Variants in KRT72 observed in about 807,000 individuals in gnomAD.
KRT72 encodes keratin, type II cytoskeletal 72.
Under a neutral mutation model 44.7 loss-of-function variants are expected in KRT72, and 44 were observed. That is an observed-to-expected ratio of 0.98 (90% CI 0.77 to 1.27). The LOEUF is 1.27. Ranked by LOEUF, KRT72 falls within the 50% of genes most tolerant of loss-of-function variation. The pLI is 0.00. For missense variants in KRT72, 736 were observed against 667.1 expected, an observed-to-expected ratio of 1.10 and a Z score of -1.14; for synonymous variants, 302 against 280.4, an observed-to-expected ratio of 1.08 and a Z score of -0.77.
At chr12:52,592,610 C>T (rs1429637498) in intron 3 of KRT72, 119 bp from the exon 4 acceptor site, 3 of 733,382 alleles carry the variant, frequency 4.1e-6, no homozygotes, top group Non-Finnish European at 6.9e-6. Flanking sequence ...TGGGGGGCTC[C>T]CTGAGAGTCC....
In KRT72 at chr12:52,592,491, C is replaced by T. The variant is rs147981249; in HGVS notation, c.703G>A (p.Asp235Asn). ...AENEFVVLKK[D>N]VDAAYMNKVE... Reference sequence around the variant, plus strand: ...TTATTCATGTAAGCAGCATCCACGTCCTGGGAGCACATGATAGTCAAGCCG... The same window carrying T: ...TTATTCATGTAAGCAGCATCCACGTTCTGGGAGCACATGATAGTCAAGCCG... The change falls in exon 4 of 9, where the codon GAC (aspartate) becomes AAC (asparagine). Residue 235 changes from aspartate to asparagine, a missense_variant and splice_region_variant. Asp to Asn is a conservative substitution (Grantham distance 23). Transcript: ENST00000293745. 23 of 1,613,402 alleles carry T rather than the reference C, an allele frequency of 1.4e-5. No individual in the cohort carries two copies. Among genetic ancestry groups the T allele is most frequent in the African/African-American group, 6.7e-5 (5 of 74,906 alleles).
chr12:52,598,772 T>TCAGA (rs1382110650), intron 2 of KRT72, 126 bp downstream of exon 2: 1 of 769,308 alleles, frequency 1.3e-6, no homozygotes, highest in African/African-American at 1.7e-5. Context: ...CCTAGTTCCA[T>TCAGA]TCTGTCTGGA....
In KRT72 at chr12:52,599,086, C is replaced by G. The variant is rs1940321982; in HGVS notation, c.453G>C (p.Gln151His). The G allele has an allele frequency of 6.2e-7, 1 of 1,614,064 alleles. No individual in the cohort carries two copies. The highest frequency in any genetic ancestry group is 8.5e-7 in the Non-Finnish European group (1 of 1,180,022). The change falls in exon 2 of 9, where the codon CAG becomes CAC. Residue 151 changes from glutamine to histidine, a missense_variant. Physicochemically the swap from Gln to His is conservative, Grantham distance 24. Coordinates refer to ENST00000293745, the MANE Select transcript of KRT72 (RefSeq NM_080747.3). ...DKVRFLEQQN[Q>H]VLETKWNLLQ... ...GGAGGTTCCACTTGGTCTCTAGCACCTGATTCTGCTGCTCCAGGAACCGCA... is the reference window on the plus strand; with the variant it reads ...GGAGGTTCCACTTGGTCTCTAGCACGTGATTCTGCTGCTCCAGGAACCGCA...
At chr12:52,589,437 C>T (rs1939910415) in intron 6 of KRT72, among the ~76,000 whole-genome samples, 1 of 152,214 alleles carries the variant, frequency 6.6e-6, no homozygotes, top group Admixed American at 6.5e-5. Flanking sequence ...TGGCCACACA[C>T]ACTGTCACCT....
chr12:52,595,471 T>TA (rs1264367284), intron 2 of KRT72, among the ~76,000 whole-genome samples: 2 of 152,226 alleles, frequency 1.3e-5, no homozygotes, highest in Non-Finnish European at 2.9e-5. Context: ...TACAAATTCT[T>TA]ACTTTTACTT....
chr12:52,601,433 T>G lies in KRT72; in HGVS notation c.20A>C (p.His7Pro). Residue 7 changes from histidine (H) to proline (P), a missense_variant, in exon 1 of 9, where the codon CAT becomes CCT. Transcript: ENST00000293745. MSRQLTHFPRGERLGFS... is the reference protein window; with the variant it reads MSRQLTPFPRGERLGFS... The stretch of plus-strand genomic sequence containing the variant: ...GCCCAGGCGCTCCCCGCGGGGGAAA[T>G]GGGTCAGTTGGCGGCTCATGGCTCG... 1 of 1,537,814 alleles carries G rather than the reference T, an allele frequency of 6.5e-7. No individual in the cohort carries two copies. Among genetic ancestry groups the G allele is most frequent in the Non-Finnish European group, 8.7e-7 (1 of 1,147,016 alleles).
At chr12:52,591,900 A>C (rs563008189) in intron 4 of KRT72, among the ~76,000 whole-genome samples, 2 of 152,124 alleles carry the variant, frequency 1.3e-5, no homozygotes, top group Admixed American at 6.5e-5. Context: ...CCCTCCACCC[A>C]TAGGACCAAG....
chr12:52,590,957 T>C lies in KRT72; in HGVS notation c.968A>G (p.Gln323Arg), dbSNP rs1401800704. The C allele has an allele frequency of 1.7e-5, 27 of 1,591,552 alleles. No individual in the cohort carries two copies. The highest frequency in any genetic ancestry group is 2.3e-5 in the Non-Finnish European group (27 of 1,164,610). ...EAETLYQTKIQELQVTAGQHG... is the reference protein window; with the variant it reads ...EAETLYQTKIRELQVTAGQHG... The stretch of plus-strand genomic sequence containing the variant: ...CTGGCCTGCTGTGACCTGCAGCTCC[T>C]GGATCTGAGGTTGGGTGACAAGAGA... Residue 323 changes from glutamine to arginine, a missense_variant, in exon 6 of 9, where the codon CAG (glutamine) becomes CGG (arginine). Transcript: ENST00000293745.
Position 52,585,648 on chromosome 12 carries a change from T to C in KRT72, c.*334A>G, listed in dbSNP as rs1026603619. The C allele has an allele frequency of 4.2e-6, 1 of 237,580 alleles. No individual in the cohort carries two copies. Among genetic ancestry groups the C allele is most frequent in the East Asian group, 9.4e-5 (1 of 10,644 alleles). The allele number at this position is 237,580 out of a possible 1,614,324, so 14.7% of individuals were successfully genotyped here. On this transcript the variant is annotated 3_prime_UTR_variant, in exon 9 of 9. Transcript: ENST00000293745. ...ACTGGACACAATCCCAATCAGAAGA[T>C]GAAGAGAGTCCCTTGGTAGTGAAGG...
rs748378479 is a variant in KRT72 at position 52,601,051 on chromosome 12, G to C, written c.402C>G (p.Asn134Lys). ...QEREQIKALN[N>K]KFASFIDKVR... The stretch of plus-strand genomic sequence containing the variant: ...CCTTGTCGATGAAGGAGGCGAACTT[G>C]TTGTTTAGCGCCTTGATCTGCTCCC... The change falls in exon 1 of 9, where the codon AAC becomes AAG. Residue 134 changes from asparagine to lysine, a missense_variant. Transcript: ENST00000293745. The C allele has an allele frequency of 4.3e-6, 7 of 1,611,702 alleles. No individual in the cohort carries two copies. The South Asian group carries it at 7.7e-5, about 18-fold the overall frequency.
chr12:52,588,390 T>C (rs144859142), intron 6 of KRT72, among the ~76,000 whole-genome samples: 1 of 152,178 alleles, frequency 6.6e-6, no homozygotes, highest in Non-Finnish European at 1.5e-5. Flanking sequence ...ATACCTTTAC[T>C]TAACTGGGAA....
At chr12:52,595,921 T>A (rs1940213448) in intron 2 of KRT72, among the ~76,000 whole-genome samples, 1 of 142,282 alleles carries the variant, frequency 7.0e-6, no homozygotes. Flanking sequence ...TGGTTTTTAA[T>A]TTTTGCTTTC....
intron 2 of KRT72, among the ~76,000 whole-genome samples, chr12:52,595,870 G>A (rs943692289): frequency 1.3e-5 from 2 of 152,156 alleles, no homozygotes; most frequent in Non-Finnish European, 2.9e-5. Flanking sequence ...GGAAGATAAT[G>A]ACTTTACTGA....
At chr12:52,598,354 T>G (rs149202136) in intron 2 of KRT72, among the ~76,000 whole-genome samples, 216 of 152,328 alleles carry the variant, frequency 1.4e-3, no homozygotes, top group African/African-American at 4.9e-3. Context: ...GGAAGCAAAC[T>G]TCCAAAATAT....
chr12:52,592,953 C>T lies in KRT72; in HGVS notation c.642-1G>A. On this transcript the variant is annotated splice_acceptor_variant, in intron 2 of 8. Coordinates refer to ENST00000293745, the MANE Select transcript of KRT72 (RefSeq NM_080747.3). LOFTEE classifies it high-confidence loss of function. ...GCGTCTGTTAATCTCCACCTCATAC[C>T]TGCATGGGGCAAGACAATGAGGTAA... The T allele has an allele frequency of 1.9e-6, 3 of 1,613,272 alleles. No homozygotes were observed. Among genetic ancestry groups the T allele is most frequent in the Non-Finnish European group, 2.5e-6 (3 of 1,179,562 alleles).
rs1472460633 is a variant in KRT72, at chr12:52,592,880, C to A, written c.702+12G>T. The A allele has an allele frequency of 1.2e-6, 2 of 1,613,156 alleles. No individual in the cohort carries two copies. Among genetic ancestry groups the A allele is most frequent in the African/African-American group, 2.7e-5 (2 of 74,894 alleles). On this transcript the variant is annotated intron_variant, in intron 3 of 8. Coordinates refer to ENST00000293745, the MANE Select transcript of KRT72 (RefSeq NM_080747.3). ...TCTAGGCTTCTTCCAGCCCACCTGG[C>A]ACCCCTCTTACCTTCTTGAGCACCA...
At chr12:52,593,380 T>C (rs1253954580) in intron 2 of KRT72, among the ~76,000 whole-genome samples, 1 of 152,256 alleles carries the variant, frequency 6.6e-6, no homozygotes, top group Non-Finnish European at 1.5e-5. Context: ...CTGTATGTTA[T>C]ACCTATTTCT....
chr12:52,598,874 C>T, intron 2 of KRT72, 24 bp downstream of exon 2: 1 of 1,604,412 alleles, frequency 6.2e-7, no homozygotes, highest in Non-Finnish European at 8.5e-7. Context: ...TCCTCCAGGG[C>T]CATATTCCCT....
intron 6 of KRT72, 112 bp from the exon 7 acceptor site, chr12:52,587,963 C>T: frequency 1.9e-6 from 2 of 1,076,124 alleles, no homozygotes; most frequent in Admixed American, 4.8e-5. Context: ...GGAGATCCTC[C>T]TGGTTTATCC....
Sources: gnomAD v4.1 joint callset for allele counts (sites outside exome capture counted in the v4.1 genomes callset) on GRCh38, gnomAD v4.1.1 for gene constraint, MANE v1.5 for transcripts, NCBI Gene and HGNC (gene_info 2026-07-23, HGNC 2026-07-21) for gene names.